Variants in MCC observed in about 807,000 individuals in gnomAD.
MCC encodes the protein colorectal mutant cancer protein.
Under a neutral mutation model 116.2 loss-of-function variants are expected in MCC, and 90 were observed. The ratio of observed to expected loss-of-function variants is 0.77; its 90% CI spans 0.65 to 0.92. MCC has a LOEUF of 0.92. MCC is among the 40% of genes least tolerant of loss of function. MCC has a pLI of 0.00. For synonymous variants in MCC, 578 were observed against 510.5 expected, an observed-to-expected ratio of 1.13 and a Z score of -1.78; for missense variants, 1,516 against 1,312.2, an observed-to-expected ratio of 1.16 and a Z score of -2.40.
intron 3 of MCC, among the ~76,000 whole-genome samples, chr5:113,192,342 G>A (rs114236802): frequency 0.011 from 1,729 of 152,334 alleles, 34 homozygotes; most frequent in African/African-American, 0.038. Flanking sequence ...TGTTGTCAAC[G>A]TTGATAAACT....
At chr5:113,184,172 G>A (rs888884155) in intron 3 of MCC, among the ~76,000 whole-genome samples, 2 of 152,104 alleles carry the variant, frequency 1.3e-5, no homozygotes, top group African/African-American at 2.4e-5. Context: ...TGCATTTGTT[G>A]AGACGGATTT....
chr5:113,151,421 A>T lies in MCC; in HGVS notation c.629T>A (p.Leu210His). 6.4e-7 allele frequency: 1 copy of T among 1,571,484 alleles called. No individual in the cohort carries two copies. Among genetic ancestry groups the T allele is most frequent in the South Asian group, 1.1e-5 (1 of 88,762 alleles). Residue 210 changes from leucine to histidine, a missense_variant and splice_region_variant, in exon 4 of 19, where the codon CTC becomes CAC. Physicochemically the swap from Leu to His is moderately conservative, Grantham distance 99 (BLOSUM62 -3). Transcript: ENST00000408903. Reference protein sequence around the residue: ...GGSYLELANTLHSAALASLKG... With the variant: ...GGSYLELANTHHSAALASLKG... ...TAGTGATGCCAGGGCTGCTGAATGG[A>T]GCTGTGGTGACAGAAAGGAGGAGAT...
At chr5:113,252,213 C>T (rs1173926556) in intron 3 of MCC, among the ~76,000 whole-genome samples, 2 of 152,070 alleles carry the variant, frequency 1.3e-5, no homozygotes, top group East Asian at 3.9e-4. Flanking sequence ...AGAGCCTCCC[C>T]ATTGCCTAGA....
At chr5:113,299,117 G>A (rs1203995449) in intron 3 of MCC, among the ~76,000 whole-genome samples, 1 of 151,552 alleles carries the variant, frequency 6.6e-6, no homozygotes, top group African/African-American at 2.4e-5. Flanking sequence ...TGAAACCCCC[G>A]TCTCTACTAA....
intron 1 of MCC, chr5:113,433,399 C>A: frequency 1.8e-6 from 1 of 547,066 alleles, no homozygotes. Context: ...ACAGCGGTGC[C>A]TTCCTGCTGC....
intron 1 of MCC, among the ~76,000 whole-genome samples, chr5:113,452,395 GA>G (rs1771427393): frequency 6.6e-6 from 1 of 152,200 alleles, no homozygotes; most frequent in Non-Finnish European, 1.5e-5. Context: ...AGGCCTTTGG[GA>G]GGTGATGAGG....
In MCC at chr5:113,151,351, C is replaced by T; in HGVS notation, c.699G>A (p.Glu233=). The T allele has an allele frequency of 6.2e-7, 1 of 1,613,906 alleles. No homozygotes were observed. Among genetic ancestry groups the T allele is most frequent in the Non-Finnish European group, 8.5e-7 (1 of 1,179,892 alleles). The change falls in exon 4 of 19, where the codon GAG becomes GAA. Residue 233 remains glutamate (E), a synonymous_variant. Transcript: ENST00000408903. ...VELNKRLQQT[E]RERDLLEKKL... ...TCTTTTCCAGAAGGTCCCGTTCCCT[C>T]TCTGTTTGCTGGAGACGTTTATTAA... is the stretch of plus-strand genomic sequence containing the variant.
chr5:113,202,703 G>C (rs1438084815), intron 3 of MCC, among the ~76,000 whole-genome samples: 1 of 150,574 alleles, frequency 6.6e-6, no homozygotes, highest in African/African-American at 2.4e-5. Flanking sequence ...CAGACTTTAT[G>C]ACTTCTGTTC....
intron 8 of MCC, among the ~76,000 whole-genome samples, chr5:113,093,543 G>T (rs28561975): frequency 0.11 from 16,388 of 151,904 alleles, 2,154 homozygotes; most frequent in African/African-American, 0.32. Context: ...AAGGGATTAG[G>T]CAGAGTGGGA....
chr5:113,243,772 G>A (rs1764471829), intron 3 of MCC, among the ~76,000 whole-genome samples: 1 of 152,230 alleles, frequency 6.6e-6, no homozygotes, highest in South Asian at 2.1e-4. Context: ...CGGGCTCATG[G>A]CTCTGGGACA....
At chr5:113,060,083 A>C (rs949366088) in intron 14 of MCC, among the ~76,000 whole-genome samples, 3 of 152,092 alleles carry the variant, frequency 2.0e-5, no homozygotes, top group African/African-American at 7.2e-5. Context: ...CATTTTCCTG[A>C]AGTTTTCATC....
chr5:113,050,835 G>A (rs75997005), intron 15 of MCC, among the ~76,000 whole-genome samples: 3,008 of 152,344 alleles, frequency 0.02, 100 homozygotes, highest in African/African-American at 0.068. Context: ...ACTGTCCTCA[G>A]GCCCTCCACC....
At chr5:113,320,996 G>A (rs1366802324) in intron 3 of MCC, among the ~76,000 whole-genome samples, 4 of 152,134 alleles carry the variant, frequency 2.6e-5, no homozygotes, top group African/African-American at 9.7e-5. Flanking sequence ...TTTTCTAAAG[G>A]TACATTTTTA....
At chr5:113,157,473 G>A (rs1321384382) in intron 3 of MCC, among the ~76,000 whole-genome samples, 1 of 152,210 alleles carries the variant, frequency 6.6e-6, no homozygotes, top group Non-Finnish European at 1.5e-5. Flanking sequence ...GTGAGGCAGA[G>A]GAATGAGTTC....
Position 113,071,185 on chromosome 5 carries a change from C to G in MCC, c.1834G>C (p.Glu612Gln). The change falls in exon 12 of 19, where the codon GAG becomes CAG. Residue 612 changes from glutamate (E) to glutamine (Q), a missense_variant. Transcript: ENST00000408903. ...SQNDLLTITL[E>Q]ECKSNAERMS... is the part of the protein sequence containing the mutation. ...CTCTCGGCATTGCTTTTACATTCCT[C>G]CAAGGTTATGGTCAGGAGGTCATTT... 6.2e-7 allele frequency: 1 copy of G among 1,614,164 alleles called. No homozygotes were observed. The highest frequency in any genetic ancestry group is 8.5e-7 in the Non-Finnish European group (1 of 1,180,016).
At chr5:113,412,170 T>G (rs1448054780) in intron 1 of MCC, among the ~76,000 whole-genome samples, 2 of 152,240 alleles carry the variant, frequency 1.3e-5, no homozygotes, top group East Asian at 3.8e-4. Context: ...TTTTGGTTAC[T>G]GTAGCCTTAT....
At chr5:113,449,712 A>G (rs1771332484) in intron 1 of MCC, among the ~76,000 whole-genome samples, 1 of 152,244 alleles carries the variant, frequency 6.6e-6, no homozygotes, top group Admixed American at 6.5e-5. Flanking sequence ...TATAGCTGTT[A>G]CATCCCAGGA....
chr5:113,451,506 G>T (rs1274499375), intron 1 of MCC, among the ~76,000 whole-genome samples: 1 of 152,252 alleles, frequency 6.6e-6, no homozygotes, highest in South Asian at 2.1e-4. Flanking sequence ...AGGCCGAGGC[G>T]GGCGGATCAC....
In MCC at chr5:113,429,190, C is replaced by T. The variant is rs141452554; in HGVS notation, c.171-43978G>A. On this transcript the variant is annotated intron_variant, in intron 1 of 18. Coordinates refer to ENST00000408903, the MANE Select transcript of MCC (RefSeq NM_001085377.2). The stretch of plus-strand genomic sequence containing the variant: ...ATGTGACTCTATCTGAAGACAGGGT[C>T]TTTAGGAGGTAATTAATGTGAAATG... Among the ~76,000 whole-genome samples, 307 of 149,150 alleles carry T rather than the reference C, an allele frequency of 2.1e-3. 1 individual carries two copies. Among genetic ancestry groups the T allele is most frequent in the African/African-American group, 7.6e-3 (295 of 38,704 alleles).
Sources: allele counts gnomAD v4.1 joint callset (sites outside exome capture counted in the v4.1 genomes callset), GRCh38; gene constraint gnomAD v4.1.1; transcripts MANE v1.5; gene names NCBI Gene and HGNC (gene_info 2026-07-23, HGNC 2026-07-21).